PARD6G: variants seen among roughly 807,000 people sequenced by gnomAD.
PARD6G encodes par-6 family cell polarity regulator gamma, also known as partitioning defective 6 homolog gamma.
In PARD6G, 7 loss-of-function variants were observed where a neutral mutation model predicts 10.7. The ratio of observed to expected loss-of-function variants is 0.66; its 90% CI spans 0.37 to 1.23. The LOEUF is 1.23. PARD6G is among the 50% of genes most tolerant of loss of function. The pLI, the probability that PARD6G is intolerant of heterozygous loss-of-function variation, is 0.02. For synonymous variants in PARD6G, 287 were observed against 269.4 expected, an observed-to-expected ratio of 1.07 and a Z score of -0.64; for missense variants, 548 against 571.8, an observed-to-expected ratio of 0.96 and a Z score of 0.42.
rs757427888 is a variant in PARD6G, at chr18:80,160,437, C to T, written c.465G>A (p.Thr155=). 3 of 1,584,616 alleles carry T rather than the reference C, an allele frequency of 1.9e-6. No individual in the cohort carries two copies. The highest frequency in any genetic ancestry group is 2.6e-6 in the Non-Finnish European group (3 of 1,165,402). Reference sequence around the variant, plus strand: ...GCCGGTGCAGCCGCACTCGCCGGTGCGTCTCGGGGACCAGGTCCACATCGA... The same window carrying T: ...GCCGGTGCAGCCGCACTCGCCGGTGTGTCTCGGGGACCAGGTCCACATCGA... ...SIIDVDLVPE[T]HRRVRLHRHG... Residue 155 remains threonine, a synonymous_variant, in exon 3 of 3, where the codon ACG becomes ACA. Coordinates refer to ENST00000353265, the MANE Select transcript of PARD6G (RefSeq NM_032510.4).
At chr18:80,177,972 T>TACACAC (rs3028716) in intron 2 of PARD6G, 32,074 of 152,156 alleles carry the variant, frequency 0.21, 3,521 homozygotes, top group East Asian at 0.36. Context: ...AGCGTGTGCA[T>TACACAC]ACACACACAC....
In PARD6G at chr18:80,159,940, C is replaced by T. The variant is rs763751323; in HGVS notation, c.962G>A (p.Gly321Asp). 2 of 1,500,844 alleles carry T rather than the reference C, an allele frequency of 1.3e-6. No homozygotes were observed. Among genetic ancestry groups the T allele is most frequent in the Admixed American group, 2.4e-5 (1 of 42,184 alleles). 93.0% of individuals were successfully genotyped at this position (1,500,844 alleles called of 1,614,324 possible). Residue 321 changes from glycine to aspartate, a missense_variant, in exon 3 of 3, where the codon GGC (glycine) becomes GAC (aspartate). Coordinates refer to ENST00000353265, the MANE Select transcript of PARD6G (RefSeq NM_032510.4). ...CGCGCCATTGACCCGGGAGAGGCTG[C>T]CTGCGGGCGCGCCCGGGGTCTGGGG... Reference protein sequence around the residue: ...RPPQTPGAPAGSLSRVNGAGL... With the variant: ...RPPQTPGAPADSLSRVNGAGL...
Position 80,165,394 on chromosome 18 carries a change from G to A in PARD6G, c.296-4788C>T, listed in dbSNP as rs2052728949. 2.6e-5 allele frequency among the ~76,000 whole-genome samples: 4 copies of A among 152,118 alleles called. No individual in the cohort carries two copies. In the South Asian group the frequency reaches 8.3e-4, roughly 32 times the overall value. On this transcript the variant is annotated intron_variant, in intron 2 of 2. Coordinates refer to ENST00000353265, the MANE Select transcript of PARD6G (RefSeq NM_032510.4). ...GACCCTGCAGACAGACCTTATGGTT[G>A]TCTTCCCTTGTTCCCTAAAAATCAC...
chr18:80,237,655 A>C (rs186920255), intron 1 of PARD6G, among the ~76,000 whole-genome samples: 20 of 152,316 alleles, frequency 1.3e-4, no homozygotes, highest in Non-Finnish European at 2.8e-4. Context: ...AATTTACAAG[A>C]AAAAAACAAC....
rs1463824528 is a variant in PARD6G at position 80,183,163 on chromosome 18, T to G, written c.295+19547A>C. 1 of 702,760 alleles carries G rather than the reference T, an allele frequency of 1.4e-6. No homozygotes were observed. The highest frequency in any genetic ancestry group is 2.7e-5 in the East Asian group (1 of 37,272). The allele number at this position is 702,760 out of a possible 1,614,324, so 43.5% of individuals were successfully genotyped here. ...AGGGCTCCGTCATCTGCAGGAAAAT[T>G]AGTGAAGAAGTGGAGGGCCTTGCAA... On this transcript the variant is annotated intron_variant, in intron 2 of 2. Coordinates refer to ENST00000353265, the MANE Select transcript of PARD6G (RefSeq NM_032510.4). The surrounding 1 kb of genome is among the most constrained non-coding windows in gnomAD (Gnocchi z 4.5).
rs189329698 is a variant in PARD6G, at chr18:80,158,922, A to T, written c.*849T>A. On this transcript the variant is annotated 3_prime_UTR_variant, in exon 3 of 3. Transcript: ENST00000353265. ...GTGGGAGCTCTCCTGTCCCAACCGA[A>T]TTATGACTATGAACAGTGTGAAAAT... The T allele has an allele frequency of 6.6e-6, 1 of 152,242 alleles. No individual in the cohort carries two copies. Among genetic ancestry groups the T allele is most frequent in the East Asian group, 1.9e-4 (1 of 5,180 alleles). 9.4% of individuals were successfully genotyped at this position (152,242 alleles called of 1,614,324 possible). A position where few individuals can be genotyped will look rare whatever the true frequency, so the allele number is the denominator to read the frequency against.
intron 2 of PARD6G, chr18:80,178,466 A>G (rs2052829388): frequency 6.6e-6 from 1 of 152,442 alleles, no homozygotes; most frequent in Non-Finnish European, 1.5e-5. Flanking sequence ...CTGTGCCTGC[A>G]TGCTGAGAAC....
chr18:80,210,045 G>T (rs1834919534), intron 1 of PARD6G, among the ~76,000 whole-genome samples: 1 of 152,114 alleles, frequency 6.6e-6, no homozygotes, highest in South Asian at 2.1e-4. Flanking sequence ...AGAAGTGCTT[G>T]TTGAATGAAT....
At chr18:80,217,340 C>T (rs1354321622) in intron 1 of PARD6G, among the ~76,000 whole-genome samples, 5 of 152,022 alleles carry the variant, frequency 3.3e-5, no homozygotes, top group African/African-American at 1.2e-4. Context: ...ATAGATACAC[C>T]ACCCTCAAGG....
Position 80,231,449 on chromosome 18 carries a change from C to T in PARD6G, c.72+15828G>A, listed in dbSNP as rs1352734995. ...TCCGAGCTGTGCTGCCCACTGGGAGCGGCTGAGGGGATGCAGGCTGGGTCA... is the reference window on the plus strand; with the variant it reads ...TCCGAGCTGTGCTGCCCACTGGGAGTGGCTGAGGGGATGCAGGCTGGGTCA... On this transcript the variant is annotated intron_variant, in intron 1 of 2. Coordinates refer to ENST00000353265, the MANE Select transcript of PARD6G (RefSeq NM_032510.4). This position sits in a 1 kb window ranked among gnomAD's most constrained non-coding sequence, Gnocchi z 4.2. Among the ~76,000 whole-genome samples, 4 of 152,092 alleles carry T rather than the reference C, an allele frequency of 2.6e-5. No individual in the cohort carries two copies. The highest frequency in any genetic ancestry group is 6.6e-5 in the Admixed American group (1 of 15,264).
In PARD6G at chr18:80,160,329, G is replaced by A. The variant is rs753016439; in HGVS notation, c.573C>T (p.Pro191=). The change falls in exon 3 of 3, where the codon CCC becomes CCT. Residue 191 remains proline, a synonymous_variant. Coordinates refer to ENST00000353265, the MANE Select transcript of PARD6G (RefSeq NM_032510.4). ...GTACCATGCGCGAGATGAAGATGCC[G>A]GGCACCTTCTCCAGCCCGTGCGGGG... is the stretch of plus-strand genomic sequence containing the variant. ...RVTPHGLEKV[P]GIFISRMVPG... The A allele has an allele frequency of 1.2e-5, 20 of 1,611,748 alleles. No individual in the cohort carries two copies. The East Asian group carries it at 1.6e-4, about 13-fold the overall frequency.
At chr18:80,162,213 T>TAA (rs1254988577) in intron 2 of PARD6G, 2 of 152,174 alleles carry the variant, frequency 1.3e-5, no homozygotes, top group Admixed American at 1.3e-4. Flanking sequence ...GTTATCAGCA[T>TAA]AATTTATTAC....
At chr18:80,225,959 C>G (rs1967284185) in intron 1 of PARD6G, among the ~76,000 whole-genome samples, 1 of 152,124 alleles carries the variant, frequency 6.6e-6, no homozygotes, top group South Asian at 2.1e-4. Context: ...AAGAAAACCA[C>G]TGTAATGTGT....
intron 1 of PARD6G, among the ~76,000 whole-genome samples, chr18:80,221,335 T>C (rs1260041398): frequency 1.3e-5 from 2 of 152,132 alleles, no homozygotes; most frequent in African/African-American, 4.8e-5. Context: ...ACACCATATC[T>C]AGCAACATAT....
At chr18:80,198,422 A>C (rs185303853) in intron 2 of PARD6G, among the ~76,000 whole-genome samples, 8 of 152,384 alleles carry the variant, frequency 5.2e-5, no homozygotes, top group African/African-American at 1.9e-4. Flanking sequence ...TTAAATAACA[A>C]TATGTACCGT....
At position 80,175,517 on chromosome 18, in the gene PARD6G, C is replaced by T. The variant is rs908316502; in HGVS notation, c.296-14911G>A. On this transcript the variant is annotated intron_variant, in intron 2 of 2. Coordinates refer to ENST00000353265, the MANE Select transcript of PARD6G (RefSeq NM_032510.4). This position sits in a 1 kb window ranked among gnomAD's most constrained non-coding sequence, Gnocchi z 6.7. Reference sequence around the variant, plus strand: ...CGTCCTTACGATCTTATTTAACCTTCATCACCCCCTAAAGACACTGTCTCC... The same window carrying T: ...CGTCCTTACGATCTTATTTAACCTTTATCACCCCCTAAAGACACTGTCTCC... Among the ~76,000 whole-genome samples the T allele has an allele frequency of 6.6e-6, 1 of 152,204 alleles. No individual in the cohort carries two copies. The highest frequency in any genetic ancestry group is 1.5e-5 in the Non-Finnish European group (1 of 68,040).
intron 2 of PARD6G, among the ~76,000 whole-genome samples, chr18:80,164,895 C>T (rs551751167): frequency 6.6e-6 from 1 of 152,180 alleles, no homozygotes; most frequent in African/African-American, 2.4e-5. Context: ...AGCAGACGTA[C>T]TAATAACGGT....
chr18:80,179,511 G>A (rs1240562489), intron 2 of PARD6G, among the ~76,000 whole-genome samples: 1 of 152,204 alleles, frequency 6.6e-6, no homozygotes, highest in Non-Finnish European at 1.5e-5. Flanking sequence ...ACATGCCACT[G>A]CCTCCCCCCA....
chr18:80,212,585 T>A (rs1967120059), intron 1 of PARD6G, among the ~76,000 whole-genome samples: 1 of 152,188 alleles, frequency 6.6e-6, no homozygotes, highest in Non-Finnish European at 1.5e-5. Context: ...AAAAATTGGG[T>A]AAATAATTAT....
Sources: gnomAD v4.1 joint callset for allele counts (sites outside exome capture counted in the v4.1 genomes callset) on GRCh38, gnomAD v4.1.1 for gene constraint, Gnocchi (gnomAD v3.1) non-coding constraint, MANE v1.5 for transcripts, NCBI Gene and HGNC (gene_info 2026-07-23, HGNC 2026-07-21) for gene names.